GPC3: variants seen among roughly 807,000 people sequenced by gnomAD.
GPC3 encodes the protein glypican 3, also known as glypican-3.
Under a neutral mutation model 34.4 loss-of-function variants are expected in GPC3, and 3 were observed. The ratio of observed to expected loss-of-function variants is 0.09; its 90% CI spans 0.04 to 0.23. The LOEUF (loss-of-function observed/expected upper bound fraction) is 0.23, where lower values mean the gene tolerates loss of function less well. Among genes scored for constraint, GPC3 ranks in the 10% least tolerant of loss-of-function variants. The pLI is 1.00. For missense variants in GPC3, 351 were observed against 445.6 expected (o/e 0.79, Z 1.91); for synonymous variants, 177 against 174.0 (o/e 1.02, Z -0.13).
At chrX:133,693,298 A>G (rs1383017125) in intron 4 of GPC3, among the ~76,000 whole-genome samples, 1 of 109,758 alleles carries the variant, frequency 9.1e-6, no homozygotes, top group African/African-American at 3.3e-5. Context: ...GAAAAATTTC[A>G]GGTCTGTTAT....
At chrX:133,634,080 CT>C (rs2070393387) in intron 6 of GPC3, among the ~76,000 whole-genome samples, 1 of 111,757 alleles carries the variant, frequency 8.9e-6, no homozygotes, top group Non-Finnish European at 1.9e-5. Context: ...TGAAAAGATA[CT>C]TAATATCATC....
chrX:133,659,238 A>G (rs1350940762), intron 6 of GPC3, among the ~76,000 whole-genome samples: 1 of 112,715 alleles, frequency 8.9e-6, no homozygotes. Flanking sequence ...TCTATAACTG[A>G]ATTCAGATCC....
chrX:133,668,079 T>C (rs956171966), intron 5 of GPC3, among the ~76,000 whole-genome samples: 2 of 107,454 alleles, frequency 1.9e-5, no homozygotes, highest in Non-Finnish European at 3.8e-5. Flanking sequence ...ATTTTTCGTA[T>C]TTTTAGTAGA....
chrX:133,599,507 A>C (rs1358702365), intron 6 of GPC3, among the ~76,000 whole-genome samples: 2 of 111,437 alleles, frequency 1.8e-5, no homozygotes, highest in African/African-American at 6.5e-5. Flanking sequence ...GGAAAAGACA[A>C]ATAACATCTT....
chrX:133,834,562 C>A (rs1342509234), intron 2 of GPC3, among the ~76,000 whole-genome samples: 2 of 111,908 alleles, frequency 1.8e-5, no homozygotes, highest in Non-Finnish European at 3.8e-5. Context: ...CCCCTTGAGG[C>A]ATCTGACCCT....
intron 2 of GPC3, among the ~76,000 whole-genome samples, chrX:133,906,501 AACAGAGGTCTG>A (rs1367647721): frequency 2.7e-5 from 3 of 112,501 alleles, no homozygotes; most frequent in African/African-American, 9.7e-5. Context: ...TTTCACAGTC[AACAGAGGTCTG>A]ACAGCTAGAA....
intron 6 of GPC3, among the ~76,000 whole-genome samples, chrX:133,604,105 G>A (rs754654727): frequency 9.0e-6 from 1 of 111,348 alleles, no homozygotes; most frequent in Admixed American, 9.6e-5. Context: ...GTATAACAGG[G>A]AAGACTGCCA....
chrX:133,699,780 C>A, intron 4 of GPC3, 115 bp downstream of exon 4: 1 of 541,791 alleles, frequency 1.8e-6, no homozygotes, highest in Non-Finnish European at 3.0e-6. Flanking sequence ...TAATCAAGCA[C>A]TCTACTCAGA....
At chrX:133,877,643 T>C (rs914429362) in intron 2 of GPC3, among the ~76,000 whole-genome samples, 1 of 112,291 alleles carries the variant, frequency 8.9e-6, no homozygotes, top group African/African-American at 3.2e-5. Flanking sequence ...ATGTTAATTA[T>C]AGCATGAGCT....
intron 2 of GPC3, among the ~76,000 whole-genome samples, chrX:133,911,783 T>A (rs1228869574): frequency 2.7e-5 from 3 of 111,813 alleles, no homozygotes; most frequent in Non-Finnish European, 5.6e-5. Flanking sequence ...GAGATGCTAG[T>A]GGAGTAAAAA....
chrX:133,645,608 T>C (rs1338740817), intron 6 of GPC3, among the ~76,000 whole-genome samples: 2 of 111,916 alleles, frequency 1.8e-5, no homozygotes, highest in Non-Finnish European at 3.8e-5. Context: ...ACTGTTTTTT[T>C]TTCATCTAGA....
chrX:133,716,297 C>T (rs1365021387), intron 3 of GPC3, among the ~76,000 whole-genome samples: 1 of 111,196 alleles, frequency 9.0e-6, no homozygotes, highest in Non-Finnish European at 1.9e-5. Context: ...GGCCCATCCA[C>T]AGGAAAAAAA....
intron 6 of GPC3, among the ~76,000 whole-genome samples, chrX:133,629,385 C>CT (rs1045028454): frequency 1.9e-5 from 2 of 107,500 alleles, no homozygotes; most frequent in Admixed American, 1.9e-4. Context: ...GTCTATGATT[C>CT]TTTTTTGTTT....
At chrX:133,963,525 C>G (rs986980019) in intron 1 of GPC3, among the ~76,000 whole-genome samples, 1 of 110,632 alleles carries the variant, frequency 9.0e-6, no homozygotes, top group Non-Finnish European at 1.9e-5. Flanking sequence ...CTTTTCCTGT[C>G]TCTGAAGCAC....
At chrX:133,542,335 A>G (rs968221807) in intron 7 of GPC3, among the ~76,000 whole-genome samples, 1 of 111,435 alleles carries the variant, frequency 9.0e-6, no homozygotes, top group Admixed American at 9.6e-5. Context: ...GGGTGCATCA[A>G]GCAGGCATGG....
intron 2 of GPC3, among the ~76,000 whole-genome samples, chrX:133,907,053 A>G (rs2076171375): frequency 9.2e-6 from 1 of 109,182 alleles, no homozygotes. Context: ...GTGAGCCGAG[A>G]TCGCACCACT....
chrX:133,793,441 T>C lies in GPC3; in HGVS notation c.338-39265A>G, dbSNP rs1025273587. On this transcript the variant is annotated intron_variant, in intron 2 of 7. Coordinates refer to ENST00000370818, the MANE Select transcript of GPC3 (RefSeq NM_004484.4). The stretch of plus-strand genomic sequence containing the variant: ...GGCTACTGTGATGTATGCATTTAAG[T>C]TTGACAATACCCCCTTGTGAAATAA... Among the ~76,000 whole-genome samples, 3 of 112,034 alleles carry C rather than the reference T, an allele frequency of 2.7e-5. No homozygotes were observed. The East Asian group carries it at 8.4e-4, about 31-fold the overall frequency.
chrX:133,967,397 C>T (rs2076468546), intron 1 of GPC3, among the ~76,000 whole-genome samples: 1 of 111,123 alleles, frequency 9.0e-6, no homozygotes, highest in Non-Finnish European at 1.9e-5. Flanking sequence ...CCCATCAAAT[C>T]GTGGGTGATT....
At chrX:133,669,888 C>G (rs1174301411) in intron 5 of GPC3, among the ~76,000 whole-genome samples, 1 of 111,599 alleles carries the variant, frequency 9.0e-6, no homozygotes, top group African/African-American at 3.3e-5. Context: ...ACAAAGATGA[C>G]TGTCATAATA....
Sources: allele counts gnomAD v4.1 joint callset (sites outside exome capture counted in the v4.1 genomes callset), GRCh38; gene constraint gnomAD v4.1.1; transcripts MANE v1.5; gene names NCBI Gene and HGNC (gene_info 2026-07-23, HGNC 2026-07-21).